Variants in DNAH3 observed in about 807,000 individuals in gnomAD.
DNAH3 encodes axonemal beta dynein heavy chain 3.
A neutral mutation model predicts 432.5 loss-of-function variants in DNAH3; 332 were observed. The ratio of observed to expected loss-of-function variants is 0.77; its 90% CI spans 0.70 to 0.84. The LOEUF (loss-of-function observed/expected upper bound fraction) is 0.84, where lower values mean the gene tolerates loss of function less well. DNAH3 is among the 40% of genes least tolerant of loss of function. DNAH3 has a pLI of 0.00. For synonymous variants in DNAH3, 1,956 were observed against 1,900.2 expected, an observed-to-expected ratio of 1.03 and a Z score of -0.76; for missense variants, 4,861 against 5,114.0, an observed-to-expected ratio of 0.95 and a Z score of 1.51.
At chr16:21,145,914 C>T in intron 2 of DNAH3, 70 bp downstream of exon 3, 15 of 991,594 alleles carry the variant, frequency 1.5e-5, no homozygotes, top group South Asian at 1.0e-4. Flanking sequence ...CTGCCAAATA[C>T]GGAGAGAAGT....
intron 57 of DNAH3, among the ~76,000 whole-genome samples, chr16:20,948,260 C>G (rs1027493898): frequency 6.6e-6 from 1 of 151,864 alleles, no homozygotes; most frequent in Non-Finnish European, 1.5e-5. Flanking sequence ...CCAGATGGAT[C>G]CTATATTTTG....
chr16:20,939,473 G>A (rs886158483), intron 59 of DNAH3, among the ~76,000 whole-genome samples: 3 of 152,168 alleles, frequency 2.0e-5, no homozygotes, highest in East Asian at 3.9e-4. Context: ...TTAGCTGGGC[G>A]TGGTGGCAGG....
chr16:20,974,466 C>T (rs879640538), intron 51 of DNAH3, among the ~76,000 whole-genome samples: 7 of 151,708 alleles, frequency 4.6e-5, no homozygotes, highest in Non-Finnish European at 7.4e-5. Flanking sequence ...TGCAGTGGCA[C>T]GATCCTAGTT....
At chr16:21,060,212 G>T in intron 26 of DNAH3, 52 bp downstream of exon 26, 1 of 1,437,872 alleles carries the variant, frequency 7.0e-7, no homozygotes, top group Non-Finnish European at 9.8e-7. Flanking sequence ...TCTCCCCAAT[G>T]TTCTCTTTAG....
chr16:20,997,425 G>A lies in DNAH3; in HGVS notation c.6459C>T (p.Ala2153=), dbSNP rs757218038. The stretch of plus-strand genomic sequence containing the variant: ...GCCTCAGGAGCTCGATGGGTGGCTG[G>A]GCCCCATACACCTCTTTGGCTGGCA... Residue 2153 remains alanine (A), a synonymous_variant, in exon 44 of 62, where the codon GCC becomes GCT. Transcript: ENST00000261383. 2.5e-6 allele frequency: 4 copies of A among 1,614,106 alleles called. No homozygotes were observed. The South Asian group carries it at 4.4e-5, about 18-fold the overall frequency.
intron 14 of DNAH3, among the ~76,000 whole-genome samples, chr16:21,107,005 A>G (rs2091963001): frequency 6.6e-6 from 1 of 152,086 alleles, no homozygotes; most frequent in African/African-American, 2.4e-5. Flanking sequence ...ACTATTATCT[A>G]TACTTTATAA....
At chr16:21,062,375 G>T in intron 25 of DNAH3, 107 bp downstream of exon 25, 1 of 866,066 alleles carries the variant, frequency 1.2e-6, no homozygotes, top group Non-Finnish European at 1.9e-6. Flanking sequence ...GAACCCAAGT[G>T]TTCCATACCC....
intron 55 of DNAH3, among the ~76,000 whole-genome samples, chr16:20,953,063 G>T (rs2084386551): frequency 6.6e-6 from 1 of 152,186 alleles, no homozygotes. Context: ...GTGTAAACCA[G>T]GCATGGTGCA....
chr16:21,040,653 C>T (rs191948609), intron 32 of DNAH3, among the ~76,000 whole-genome samples: 1 of 152,062 alleles, frequency 6.6e-6, no homozygotes, highest in East Asian at 1.9e-4. Flanking sequence ...GCGTGAGCTA[C>T]CGCGCCCAGC....
intron 39 of DNAH3, among the ~76,000 whole-genome samples, chr16:21,024,245 G>C (rs2088417862): frequency 6.6e-6 from 1 of 152,156 alleles, no homozygotes; most frequent in Admixed American, 6.6e-5. Context: ...CCCATCTCTA[G>C]AGAAACTTCT....
At chr16:21,106,916 T>C (rs2091961139) in intron 14 of DNAH3, among the ~76,000 whole-genome samples, 1 of 152,212 alleles carries the variant, frequency 6.6e-6, no homozygotes, top group Non-Finnish European at 1.5e-5. Context: ...TAAGCCATTA[T>C]GAAGTAGCAC....
intron 52 of DNAH3, among the ~76,000 whole-genome samples, chr16:20,969,587 C>A (rs1756255755): frequency 6.6e-6 from 1 of 152,240 alleles, no homozygotes; most frequent in African/African-American, 2.4e-5. Flanking sequence ...TGCATTTTTC[C>A]CAACTGACTG....
chr16:20,954,025 G>A (rs1006114149), intron 55 of DNAH3, among the ~76,000 whole-genome samples: 4 of 151,948 alleles, frequency 2.6e-5, no homozygotes, highest in Non-Finnish European at 5.9e-5. Context: ...AGGAGTTCTA[G>A]ACCAGCCTGG....
chr16:21,115,735 TAAAATAAAATA>T (rs1464166907), intron 12 of DNAH3, among the ~76,000 whole-genome samples: 49 of 146,790 alleles, frequency 3.3e-4, no homozygotes, highest in African/African-American at 9.2e-4. Context: ...TAAAATAAAA[TAAAATAAAATA>T]AAAATAAAAT....
chr16:21,038,957 T>C (rs1004137732), intron 33 of DNAH3, among the ~76,000 whole-genome samples: 5 of 152,126 alleles, frequency 3.3e-5, no homozygotes, highest in African/African-American at 7.2e-5. Context: ...AGAAAGTCAA[T>C]TGACATGATA....
At chr16:21,071,645 T>C (rs2090786528) in intron 21 of DNAH3, among the ~76,000 whole-genome samples, 1 of 152,028 alleles carries the variant, frequency 6.6e-6, no homozygotes. Context: ...CCCAGCACTT[T>C]GGGAGGCTGA....
intron 44 of DNAH3, 36 bp from the exon 45 acceptor site, chr16:20,988,101 A>C (rs1190754398): frequency 1.9e-6 from 3 of 1,611,506 alleles, no homozygotes; most frequent in South Asian, 1.1e-5. Flanking sequence ...TCATCCTGGA[A>C]AACACATATT....
intron 53 of DNAH3, among the ~76,000 whole-genome samples, chr16:20,960,716 C>A (rs540549348): frequency 6.6e-6 from 1 of 152,212 alleles, no homozygotes; most frequent in African/African-American, 2.4e-5. Flanking sequence ...AACAAACAAA[C>A]AAACAAACAA....
chr16:21,027,055 C>T (rs1420999638), exon 38 of DNAH3: 49 of 1,613,344 alleles, frequency 3.0e-5, no homozygotes, highest in Non-Finnish European at 4.1e-5. Context: ...GAGGCTTGCT[C>T]GAGGTCGGCG....
Sources: gnomAD v4.1 joint callset for allele counts (sites outside exome capture counted in the v4.1 genomes callset) on GRCh38, gnomAD v4.1.1 for gene constraint, MANE v1.5 for transcripts, NCBI Gene and HGNC (gene_info 2026-07-23, HGNC 2026-07-21) for gene names.